Variants in FGF12 observed in about 807,000 individuals in gnomAD.
The protein encoded by FGF12 is fibroblast growth factor 12.
In FGF12, 14 loss-of-function variants were observed where a neutral mutation model predicts 23.6. The observed-to-expected ratio is 0.59, with a 90% CI of 0.39 to 0.93. The LOEUF (loss-of-function observed/expected upper bound fraction) is 0.93. Among genes scored for constraint, FGF12 ranks in the 40% least tolerant of loss-of-function variants. The probability of loss-of-function intolerance (pLI) is 0.00; values close to 1 mark genes in which losing one functional copy is unlikely to be tolerated. For missense variants in FGF12, 175 were observed against 217.8 expected (o/e 0.80, Z 1.24); for synonymous variants, 62 against 77.3 (o/e 0.80, Z 1.04).
chr3:192,607,764 T>C (rs917679254), intron 2 of FGF12, among the ~76,000 whole-genome samples: 1 of 151,474 alleles, frequency 6.6e-6, no homozygotes, highest in Non-Finnish European at 1.5e-5. Flanking sequence ...AAAAGTTCGT[T>C]GGTGGAAATT....
At chr3:192,191,851 C>G (rs1716811066) in intron 4 of FGF12, among the ~76,000 whole-genome samples, 1 of 150,252 alleles carries the variant, frequency 6.7e-6, no homozygotes, top group Non-Finnish European at 1.5e-5. Flanking sequence ...AAAAAAAAAG[C>G]CTTTAAAAAA....
At chr3:192,163,314 TA>T (rs1213297533) in intron 5 of FGF12, among the ~76,000 whole-genome samples, 2 of 152,254 alleles carry the variant, frequency 1.3e-5, no homozygotes, top group East Asian at 3.9e-4. Flanking sequence ...TTTAATAAAA[TA>T]ATTGGCATTA....
intron 2 of FGF12, among the ~76,000 whole-genome samples, chr3:192,392,644 G>T (rs1214638624): frequency 7.0e-6 from 1 of 142,308 alleles, no homozygotes; most frequent in African/African-American, 2.6e-5. Context: ...GGAAGGGAGG[G>T]AGGGAGGGAG....
chr3:192,676,799 C>A (rs1206340023), intron 2 of FGF12, among the ~76,000 whole-genome samples: 1 of 152,178 alleles, frequency 6.6e-6, no homozygotes, highest in Non-Finnish European at 1.5e-5. Context: ...AAATTGCCAA[C>A]AAACAACTTG....
intron 2 of FGF12, among the ~76,000 whole-genome samples, chr3:192,448,390 A>G (rs1484398397): frequency 1.3e-5 from 2 of 152,232 alleles, no homozygotes; most frequent in African/African-American, 2.4e-5. Context: ...CTGCTTATCT[A>G]TTATTTACTC....
intron 2 of FGF12, among the ~76,000 whole-genome samples, chr3:192,637,342 TA>T (rs1480075824): frequency 6.6e-6 from 1 of 152,204 alleles, no homozygotes; most frequent in Non-Finnish European, 1.5e-5. Context: ...ATTATGACCA[TA>T]AGCTCTAGGA....
At chr3:192,415,732 T>TCTCATACACA (rs369293180) in intron 2 of FGF12, among the ~76,000 whole-genome samples, 2,421 of 117,950 alleles carry the variant, frequency 0.021, 48 homozygotes, top group East Asian at 0.045. Context: ...TCTCTCTCTC[T>TCTCATACACA]CACACACACA....
At chr3:192,289,978 A>G (rs1714668564) in intron 4 of FGF12, among the ~76,000 whole-genome samples, 1 of 152,166 alleles carries the variant, frequency 6.6e-6, no homozygotes, top group African/African-American at 2.4e-5. Flanking sequence ...AAAGAGATCA[A>G]GTGACATTTG....
chr3:192,701,273 G>A (rs1166347743), intron 2 of FGF12, among the ~76,000 whole-genome samples: 1 of 152,122 alleles, frequency 6.6e-6, no homozygotes, highest in African/African-American at 2.4e-5. Context: ...TGTCTTTCCA[G>A]ATGGAACCAA....
intron 2 of FGF12, among the ~76,000 whole-genome samples, chr3:192,476,071 G>A (rs537216285): frequency 1.3e-5 from 2 of 152,040 alleles, no homozygotes; most frequent in East Asian, 1.9e-4. Context: ...ATAGAATAAC[G>A]TGATCCCCAA....
intron 4 of FGF12, among the ~76,000 whole-genome samples, chr3:192,311,031 A>C (rs1211155227): frequency 6.6e-6 from 1 of 152,202 alleles, no homozygotes; most frequent in African/African-American, 2.4e-5. Flanking sequence ...ATGTGTATTG[A>C]ATACATAAAG....
At chr3:192,389,324 C>T (rs1720193731) in intron 2 of FGF12, among the ~76,000 whole-genome samples, 1 of 152,194 alleles carries the variant, frequency 6.6e-6, no homozygotes, top group African/African-American at 2.4e-5. Context: ...GATGGCACCA[C>T]CACACTCCAG....
intron 4 of FGF12, among the ~76,000 whole-genome samples, chr3:192,215,622 T>G (rs1434398001): frequency 2.6e-5 from 4 of 152,190 alleles, no homozygotes; most frequent in Non-Finnish European, 4.4e-5. Context: ...TCTGTACCTA[T>G]TATCTCCTAG....
intron 2 of FGF12, among the ~76,000 whole-genome samples, chr3:192,633,335 C>T (rs1281106459): frequency 6.6e-6 from 1 of 152,098 alleles, no homozygotes; most frequent in South Asian, 2.1e-4. Context: ...TGTGAGCCCT[C>T]GCGCCCGGCC....
At chr3:192,545,654 C>T (rs1346625138) in intron 2 of FGF12, among the ~76,000 whole-genome samples, 1 of 152,194 alleles carries the variant, frequency 6.6e-6, no homozygotes, top group East Asian at 1.9e-4. Flanking sequence ...AAATTGTCCA[C>T]ATAATATCCA....
intron 4 of FGF12, among the ~76,000 whole-genome samples, chr3:192,211,716 C>T (rs181451224): frequency 1.3e-5 from 2 of 151,980 alleles, no homozygotes; most frequent in Non-Finnish European, 2.9e-5. Context: ...TGTGAGCCAC[C>T]GTGACTGGCC....
chr3:192,240,308 A>T (rs1006178314), intron 4 of FGF12, among the ~76,000 whole-genome samples: 1 of 152,184 alleles, frequency 6.6e-6, no homozygotes, highest in Admixed American at 6.5e-5. Context: ...AAGAAAAGAT[A>T]AATCAATGTT....
chr3:192,567,785 C>CTT (rs1220981969), intron 2 of FGF12, among the ~76,000 whole-genome samples: 1 of 132,678 alleles, frequency 7.5e-6, no homozygotes, highest in African/African-American at 2.7e-5. Flanking sequence ...TTCTTTCTTT[C>CTT]TTTCTTTCTT....
At chr3:192,468,795 C>T (rs1369962558) in intron 2 of FGF12, among the ~76,000 whole-genome samples, 1 of 152,178 alleles carries the variant, frequency 6.6e-6, no homozygotes, top group Non-Finnish European at 1.5e-5. Flanking sequence ...TGATTTTAGC[C>T]TCCATCAGGC....
Sources: gnomAD v4.1 joint callset for allele counts (sites outside exome capture counted in the v4.1 genomes callset) on GRCh38, gnomAD v4.1.1 for gene constraint, MANE v1.5 for transcripts, NCBI Gene and HGNC (gene_info 2026-07-23, HGNC 2026-07-21) for gene names.